The following RASGRF1 variants were observed in gnomAD, a reference collection of about 807,000 sequenced individuals.
The protein encoded by RASGRF1 is ras-specific guanine nucleotide-releasing factor 1.
In RASGRF1, 40 loss-of-function variants were observed where a neutral mutation model predicts 138.7. The observed-to-expected ratio is 0.29, with a 90% CI of 0.22 to 0.38. The LOEUF (loss-of-function observed/expected upper bound fraction) is 0.38, where lower values mean the gene tolerates loss of function less well. RASGRF1 is among the 10% of genes least tolerant of loss of function. RASGRF1 has a pLI of 1.00. For synonymous variants in RASGRF1, 614 were observed against 663.2 expected (o/e 0.93, Z 1.14); for missense variants, 1,108 against 1,650.4 (o/e 0.67, Z 5.69).
chr15:79,053,047 C>T (rs2057453989), intron 3 of RASGRF1, among the ~76,000 whole-genome samples: 1 of 152,040 alleles, frequency 6.6e-6, no homozygotes, highest in Non-Finnish European at 1.5e-5. Flanking sequence ...CAGGTGATCA[C>T]CTGAGGTCTG....
intron 24 of RASGRF1, among the ~76,000 whole-genome samples, chr15:78,979,937 C>G (rs565752391): frequency 6.6e-6 from 1 of 152,320 alleles, no homozygotes; most frequent in South Asian, 2.1e-4. Flanking sequence ...CAGTTTTGGT[C>G]GTCACAACTT....
intron 13 of RASGRF1, among the ~76,000 whole-genome samples, chr15:79,013,384 G>C (rs1046338329): frequency 6.6e-5 from 10 of 152,234 alleles, no homozygotes; most frequent in African/African-American, 2.4e-4. Context: ...TAAAGACCTG[G>C]TGGACCTGAA....
intron 23 of RASGRF1, among the ~76,000 whole-genome samples, chr15:78,982,859 G>A (rs1257074592): frequency 1.3e-5 from 2 of 152,086 alleles, no homozygotes; most frequent in Non-Finnish European, 2.9e-5. Flanking sequence ...TCGTATGGAA[G>A]AGTATCATCA....
chr15:78,966,353 T>C (rs934611972), intron 26 of RASGRF1, among the ~76,000 whole-genome samples: 3 of 151,242 alleles, frequency 2.0e-5, no homozygotes, highest in Non-Finnish European at 4.4e-5. Context: ...CTTTCTGCCT[T>C]AGCCTCCTGA....
At chr15:79,042,755 G>A (rs2057312815) in intron 5 of RASGRF1, among the ~76,000 whole-genome samples, 1 of 152,202 alleles carries the variant, frequency 6.6e-6, no homozygotes, top group Non-Finnish European at 1.5e-5. Context: ...CAGAAAGCAT[G>A]CAGGCCAAGT....
At chr15:79,003,759 G>T in intron 15 of RASGRF1, 43 bp downstream of exon 15, 1 of 1,546,640 alleles carries the variant, frequency 6.5e-7, no homozygotes, top group African/African-American at 1.4e-5. Flanking sequence ...GCCTCAGTGG[G>T]GCTGGGAGGC....
intron 5 of RASGRF1, among the ~76,000 whole-genome samples, chr15:79,040,593 C>T (rs1679944882): frequency 6.6e-6 from 1 of 152,190 alleles, no homozygotes; most frequent in South Asian, 2.1e-4. Context: ...ATTCCCTTTG[C>T]TCTCACCACC....
At chr15:78,991,661 G>A (rs765022114) in intron 21 of RASGRF1, 30 bp downstream of exon 21, 8 of 1,564,290 alleles carry the variant, frequency 5.1e-6, no homozygotes, top group East Asian at 2.2e-5. Context: ...GAGGAAGCGG[G>A]GGGAGGCGGG....
intron 26 of RASGRF1, among the ~76,000 whole-genome samples, chr15:78,970,512 A>G (rs1567421104): frequency 6.7e-6 from 1 of 148,602 alleles, no homozygotes; most frequent in Non-Finnish European, 1.5e-5. Context: ...GATCCCAGCT[A>G]TGCGGGAGGC....
At chr15:79,013,520 G>A (rs964847512) in intron 13 of RASGRF1, among the ~76,000 whole-genome samples, 12 of 152,218 alleles carry the variant, frequency 7.9e-5, no homozygotes, top group South Asian at 2.1e-4. Flanking sequence ...TGCATTAAAC[G>A]CATTACATCT....
chr15:79,018,263 A>C (rs770133771), intron 11 of RASGRF1, among the ~76,000 whole-genome samples: 2 of 152,232 alleles, frequency 1.3e-5, no homozygotes, highest in Admixed American at 6.5e-5. Context: ...CAGGGCTAGA[A>C]TGGGCCTCTC....
At chr15:78,967,030 T>C (rs1169769851) in intron 26 of RASGRF1, among the ~76,000 whole-genome samples, 4 of 152,142 alleles carry the variant, frequency 2.6e-5, no homozygotes, top group Admixed American at 1.3e-4. Context: ...AGGCTGGGAA[T>C]GGTGGCTCAA....
At chr15:79,064,766 CAA>C (rs2057654607) in intron 1 of RASGRF1, 1 of 507,546 alleles carries the variant, frequency 2.0e-6, no homozygotes, top group Admixed American at 3.6e-5. Flanking sequence ...ACAAAACACA[CAA>C]AGCCCTGTTC....
At chr15:79,021,663 C>T (rs1595910534) in intron 10 of RASGRF1, among the ~76,000 whole-genome samples, 1 of 152,170 alleles carries the variant, frequency 6.6e-6, no homozygotes, top group South Asian at 2.1e-4. Context: ...GAGACTAGAG[C>T]ATAGTGATTA....
intron 19 of RASGRF1, 72 bp downstream of exon 19, chr15:78,998,024 C>CA (rs35819709): frequency 0.14 from 191,087 of 1,370,860 alleles, 14,454 homozygotes; most frequent in Admixed American, 0.16. Context: ...CTGACCAGCC[C>CA]ACATGGAGGC....
intron 11 of RASGRF1, among the ~76,000 whole-genome samples, chr15:79,019,659 A>T (rs760262411): frequency 1.3e-5 from 2 of 152,012 alleles, no homozygotes; most frequent in African/African-American, 2.4e-5. Context: ...TGTGCATGTC[A>T]CACACAGGTG....
At chr15:79,020,013 CAT>C (rs1415193405) in intron 11 of RASGRF1, 26 bp downstream of exon 11, 1 of 1,612,476 alleles carries the variant, frequency 6.2e-7, no homozygotes, top group Non-Finnish European at 8.5e-7. Flanking sequence ...CAAGCACACA[CAT>C]GCGCACATGC....
intron 6 of RASGRF1, among the ~76,000 whole-genome samples, chr15:79,034,234 C>T (rs1356233141): frequency 6.6e-6 from 1 of 152,084 alleles, no homozygotes; most frequent in Non-Finnish European, 1.5e-5. Context: ...TTTTCTTTGC[C>T]TCCATCATGG....
intron 5 of RASGRF1, among the ~76,000 whole-genome samples, chr15:79,035,439 G>GACAGC (rs2057206414): frequency 2.6e-5 from 4 of 152,266 alleles, no homozygotes; most frequent in Admixed American, 2.6e-4. Flanking sequence ...CCCAGATGGT[G>GACAGC]ACAGCACAGC....
Sources: gnomAD v4.1 joint callset for allele counts (sites outside exome capture counted in the v4.1 genomes callset) on GRCh38, gnomAD v4.1.1 for gene constraint, MANE v1.5 for transcripts, NCBI Gene and HGNC (gene_info 2026-07-23, HGNC 2026-07-21) for gene names.